Variants in CA1 observed in about 807,000 individuals in gnomAD.
The protein encoded by CA1 is carbonate dehydratase I.
Under a neutral mutation model 28.8 loss-of-function variants are expected in CA1, and 27 were observed. That is an observed-to-expected ratio of 0.94 (90% CI 0.69 to 1.29). The LOEUF is 1.29. Ranked by LOEUF, CA1 falls within the 50% of genes most tolerant of loss-of-function variation. The probability of loss-of-function intolerance (pLI) is 0.00; values close to 1 mark genes in which losing one functional copy is unlikely to be tolerated. For missense variants in CA1, 335 were observed against 310.5 expected, an observed-to-expected ratio of 1.08 and a Z score of -0.59; for synonymous variants, 121 against 108.8, an observed-to-expected ratio of 1.11 and a Z score of -0.70.
At chr8:85,369,464 T>C (rs1442306296) in intron 1 of CA1, among the ~76,000 whole-genome samples, 1 of 152,096 alleles carries the variant, frequency 6.6e-6, no homozygotes, top group Non-Finnish European at 1.5e-5. Context: ...TGACAGAAAA[T>C]AGCTTAATGT....
rs1331146218 is a variant in CA1, at chr8:85,328,158, A to G, written c.*402T>C. On this transcript the variant is annotated 3_prime_UTR_variant, in exon 8 of 8. Transcript: ENST00000523022. ...TGAAGCAAAATACTCTTGCAAGTAA[A>G]GTATTTAAGATTTTTGAATGTAAAT... The G allele has an allele frequency of 6.3e-6, 1 of 159,314 alleles. No homozygotes were observed. Among genetic ancestry groups the G allele is most frequent in the African/African-American group, 2.4e-5 (1 of 41,502 alleles). 9.9% of individuals were successfully genotyped at this position (159,314 alleles called of 1,614,324 possible). A position where few individuals can be genotyped will look rare whatever the true frequency, so the allele number is the denominator to read the frequency against.
chr8:85,348,132 T>C (rs1164945882), intron 1 of CA1, among the ~76,000 whole-genome samples: 1 of 152,242 alleles, frequency 6.6e-6, no homozygotes, highest in Non-Finnish European at 1.5e-5. Flanking sequence ...ACTGAATTAA[T>C]ATTCACTTCA....
intron 2 of CA1, 91 bp downstream of exon 2, chr8:85,341,508 G>A: frequency 1.2e-6 from 1 of 820,452 alleles, no homozygotes; most frequent in Non-Finnish European, 2.2e-6. Flanking sequence ...TTAACCTATA[G>A]CTGTACAATT....
Position 85,329,700 on chromosome 8 carries a change from T to A in CA1, c.658A>T (p.Ser220Cys). 1.2e-6 allele frequency: 2 copies of A among 1,610,976 alleles called. No homozygotes were observed. Among genetic ancestry groups the A allele is most frequent in the Non-Finnish European group, 1.7e-6 (2 of 1,178,330 alleles). ...WIICKESISV[S>C]SEQLAQFRSL... is the part of the protein sequence containing the mutation. ...ATTCACAACTCTACCTGCTCTGAGC[T>A]GACACTGATGCTCTCCTTACAGATG... Residue 220 changes from serine to cysteine, a missense_variant, in exon 7 of 8, where the codon AGC (serine) becomes TGC (cysteine). Ser to Cys is a moderately radical substitution (Grantham distance 112). Coordinates refer to ENST00000523022, the MANE Select transcript of CA1 (RefSeq NM_001128831.4).
intron 1 of CA1, among the ~76,000 whole-genome samples, chr8:85,344,390 A>G (rs1160467479): frequency 1.4e-5 from 2 of 145,984 alleles, no homozygotes; most frequent in African/African-American, 5.0e-5. Context: ...ATTAACACCA[A>G]TTAATTTCTA....
intron 1 of CA1, among the ~76,000 whole-genome samples, chr8:85,375,017 T>C (rs1585975323): frequency 6.6e-6 from 1 of 152,320 alleles, no homozygotes; most frequent in East Asian, 1.9e-4. Context: ...GGTTGACTGA[T>C]TGTGGTTAAA....
intron 1 of CA1, among the ~76,000 whole-genome samples, chr8:85,371,950 G>T (rs1487528612): frequency 1.3e-5 from 2 of 152,116 alleles, no homozygotes; most frequent in Non-Finnish European, 2.9e-5. Flanking sequence ...GTCCTATGCT[G>T]GGTGTTGAGG....
chr8:85,366,249 G>C (rs144001442), intron 1 of CA1, among the ~76,000 whole-genome samples: 3 of 147,382 alleles, frequency 2.0e-5, no homozygotes, highest in Admixed American at 6.9e-5. Context: ...CTGAGCTCAA[G>C]TGATCCTCCC....
At chr8:85,360,116 C>T (rs761728133) in intron 1 of CA1, among the ~76,000 whole-genome samples, 11 of 152,158 alleles carry the variant, frequency 7.2e-5, no homozygotes, top group Non-Finnish European at 1.5e-4. Context: ...AATTCCATAG[C>T]CCTTCTTCCA....
Position 85,341,593 on chromosome 8 carries a change from T to A in CA1, c.37+6A>T, listed in dbSNP as rs747293959. The A allele has an allele frequency of 7.0e-6, 11 of 1,563,162 alleles. No individual in the cohort carries two copies. In the Admixed American group the frequency reaches 1.8e-4, roughly 26 times the overall value. ...TTTTGATCTATATAAACAGGAGAAC[T>A]CTTACCATTTTTGTCATCATATCCC... On this transcript the variant is annotated splice_donor_region_variant and intron_variant, in intron 2 of 7. Transcript: ENST00000523022.
rs1165535663 is a variant in CA1, at chr8:85,338,464, AC to A, written c.38-16del. ...TTGTTCAGGACCTACCAGGACAAACACGTGTAAAATCAATGTCTTATCAAAT... is the reference window on the plus strand; with the variant it reads ...TTGTTCAGGACCTACCAGGACAAACAGTGTAAAATCAATGTCTTATCAAAT... On this transcript the variant is annotated splice_polypyrimidine_tract_variant and intron_variant, in intron 2 of 7. Transcript: ENST00000523022. 1 of 1,609,258 alleles carries A rather than the reference AC, an allele frequency of 6.2e-7. No individual in the cohort carries two copies. Among genetic ancestry groups the A allele is most frequent in the East Asian group, 2.2e-5 (1 of 44,824 alleles).
At chr8:85,350,889 A>G (rs190814792) in intron 1 of CA1, among the ~76,000 whole-genome samples, 201 of 152,252 alleles carry the variant, frequency 1.3e-3, no homozygotes, top group Admixed American at 5.0e-3. Context: ...CAATGTTCTC[A>G]ATTCCTCCTA....
intron 1 of CA1, among the ~76,000 whole-genome samples, chr8:85,347,868 G>C (rs1400034488): frequency 6.6e-6 from 1 of 152,120 alleles, no homozygotes; most frequent in Non-Finnish European, 1.5e-5. Context: ...CCTCTGAAGA[G>C]GGCGGGTCCT....
At chr8:85,373,198 C>T (rs1008244022) in intron 1 of CA1, among the ~76,000 whole-genome samples, 3 of 152,152 alleles carry the variant, frequency 2.0e-5, no homozygotes, top group African/African-American at 4.8e-5. Flanking sequence ...ATGGGTGTTT[C>T]GTTAAGACGG....
chr8:85,333,726 C>T (rs973560336), intron 4 of CA1, 106 bp from the exon 5 acceptor site: 5 of 735,394 alleles, frequency 6.8e-6, no homozygotes, highest in Admixed American at 4.1e-5. Flanking sequence ...GGCTTAGATA[C>T]ATAAAACTTA....
chr8:85,364,944 C>T (rs1031586530), intron 1 of CA1, among the ~76,000 whole-genome samples: 10 of 152,148 alleles, frequency 6.6e-5, no homozygotes, highest in Admixed American at 4.6e-4. Flanking sequence ...AGCTTCTAGA[C>T]GGTACTGGCA....
intron 2 of CA1, 121 bp downstream of exon 2, chr8:85,341,478 T>TA (rs59384479): frequency 0.15 from 104,384 of 713,424 alleles, 8,930 homozygotes; most frequent in Non-Finnish European, 0.18. Flanking sequence ...TATAATTATT[T>TA]AAAGCAGACA....
intron 3 of CA1, 35 bp downstream of exon 3, chr8:85,338,217 T>A: frequency 6.4e-7 from 1 of 1,558,786 alleles, no homozygotes; most frequent in Non-Finnish European, 8.9e-7. Context: ...CAGTAGACTG[T>A]AAGAAAAAAA....
intron 1 of CA1, among the ~76,000 whole-genome samples, chr8:85,362,666 C>A (rs1809844507): frequency 6.6e-6 from 1 of 151,942 alleles, no homozygotes; most frequent in Admixed American, 6.6e-5. Flanking sequence ...AGGGGAAGAG[C>A]AAGGGGAGTT....
Sources: gnomAD v4.1 joint callset for allele counts (sites outside exome capture counted in the v4.1 genomes callset) on GRCh38, gnomAD v4.1.1 for gene constraint, MANE v1.5 for transcripts, NCBI Gene and HGNC (gene_info 2026-07-23, HGNC 2026-07-21) for gene names.